PIAS1: variants seen among roughly 807,000 people sequenced by gnomAD.
PIAS1 encodes the protein protein inhibitor of activated STAT 1.
Under a neutral mutation model 71.3 loss-of-function variants are expected in PIAS1, and 6 were observed. The observed-to-expected ratio is 0.08, with a 90% CI of 0.05 to 0.17. The LOEUF (loss-of-function observed/expected upper bound fraction) is 0.17, where lower values mean the gene tolerates loss of function less well. Among genes scored for constraint, PIAS1 ranks in the 10% least tolerant of loss-of-function variants. PIAS1 has a pLI of 1.00. For missense variants in PIAS1, 555 were observed against 793.6 expected (o/e 0.70, Z 3.61); for synonymous variants, 303 against 292.9 (o/e 1.03, Z -0.35).
In PIAS1 at chr15:68,192,914, T is replaced by C. The variant is rs1381678833; in HGVS notation, c.*5079T>C. The C allele has an allele frequency of 6.6e-6, 1 of 152,218 alleles. No individual in the cohort carries two copies. Among genetic ancestry groups the C allele is most frequent in the Admixed American group, 6.5e-5 (1 of 15,280 alleles). The allele number at this position is 152,218 out of a possible 1,614,324, so 9.4% of individuals were successfully genotyped here. ...TTTAGGACTGTGCTGGCACTACGAATGATCCAGATTTGACAAGTGTATGGC... is the reference window on the plus strand; with the variant it reads ...TTTAGGACTGTGCTGGCACTACGAACGATCCAGATTTGACAAGTGTATGGC... On this transcript the variant is annotated 3_prime_UTR_variant, in exon 14 of 14. Coordinates refer to ENST00000249636, the MANE Select transcript of PIAS1 (RefSeq NM_016166.3).
intron 2 of PIAS1, among the ~76,000 whole-genome samples, chr15:68,093,202 C>T (rs148680078): frequency 4.8e-4 from 73 of 152,296 alleles, no homozygotes; most frequent in Middle Eastern, 6.8e-3. Context: ...AGGTCTTTCC[C>T]AGAGCATTTA....
chr15:68,119,895 C>T (rs1477580514), intron 2 of PIAS1, among the ~76,000 whole-genome samples: 1 of 152,242 alleles, frequency 6.6e-6, no homozygotes, highest in Non-Finnish European at 1.5e-5. Context: ...TATACAGTGA[C>T]TCTCTCTATC....
chr15:68,085,134 C>T (rs1175551587), intron 1 of PIAS1, among the ~76,000 whole-genome samples: 1 of 152,114 alleles, frequency 6.6e-6, no homozygotes. Flanking sequence ...GGGAAGGCAG[C>T]ATAAGCATAG....
intron 2 of PIAS1, among the ~76,000 whole-genome samples, chr15:68,109,406 G>C (rs936798265): frequency 2.6e-5 from 4 of 152,072 alleles, no homozygotes; most frequent in Non-Finnish European, 5.9e-5. Flanking sequence ...GCAGTGGTTT[G>C]GGTCTCTTGT....
intron 2 of PIAS1, among the ~76,000 whole-genome samples, chr15:68,108,956 A>G (rs1459326994): frequency 6.6e-6 from 1 of 152,128 alleles, no homozygotes; most frequent in African/African-American, 2.4e-5. Flanking sequence ...TAATATTCTG[A>G]ATTTAGTAGC....
chr15:68,164,353 C>G (rs2092943266), intron 7 of PIAS1, among the ~76,000 whole-genome samples: 1 of 151,770 alleles, frequency 6.6e-6, no homozygotes, highest in Admixed American at 6.6e-5. Flanking sequence ...TAGAAGAGCC[C>G]AAGTAATATT....
chr15:68,157,077 T>C (rs2092895474), intron 7 of PIAS1, among the ~76,000 whole-genome samples: 1 of 152,194 alleles, frequency 6.6e-6, no homozygotes, highest in South Asian at 2.1e-4. Context: ...GGAGGAGTGC[T>C]AAGCTTCTTA....
chr15:68,156,009 C>T (rs570761855), intron 7 of PIAS1, among the ~76,000 whole-genome samples: 2 of 152,316 alleles, frequency 1.3e-5, no homozygotes, highest in Admixed American at 1.3e-4. Flanking sequence ...CATTTGTGCC[C>T]AGTCCTCGCT....
chr15:68,080,086 C>T (rs2092213898), intron 1 of PIAS1, among the ~76,000 whole-genome samples: 1 of 152,150 alleles, frequency 6.6e-6, no homozygotes, highest in South Asian at 2.1e-4. Context: ...CCTGTCTCAG[C>T]CTCCTAAAGT....
rs2093107630 is a variant in PIAS1, at chr15:68,189,316, A to G, written c.*1481A>G. 6.6e-6 allele frequency: 1 copy of G among 152,224 alleles called. No individual in the cohort carries two copies. Among genetic ancestry groups the G allele is most frequent in the South Asian group, 2.1e-4 (1 of 4,834 alleles). 9.4% of individuals were successfully genotyped at this position (152,224 alleles called of 1,614,324 possible). A position where few individuals can be genotyped will look rare whatever the true frequency, so the allele number is the denominator to read the frequency against. ...GAAAATATTTTTTAGTTGATTGAGA[A>G]TGCAGGTTTAACAGAAGAGATAAGG... On this transcript the variant is annotated 3_prime_UTR_variant, in exon 14 of 14. Coordinates refer to ENST00000249636, the MANE Select transcript of PIAS1 (RefSeq NM_016166.3).
chr15:68,157,163 G>C (rs534373192), intron 7 of PIAS1, among the ~76,000 whole-genome samples: 54 of 152,262 alleles, frequency 3.5e-4, no homozygotes, highest in African/African-American at 1.3e-3. Context: ...TTGCAGGGGG[G>C]AGATCAGAGT....
At chr15:68,134,622 A>AC (rs59318437) in intron 2 of PIAS1, among the ~76,000 whole-genome samples, 12,663 of 21,156 alleles carry the variant, frequency 0.6, 5,548 homozygotes, top group African/African-American at 0.77. Flanking sequence ...CGGGGGGCTA[A>AC]CCCCCCCCAC....
intron 2 of PIAS1, among the ~76,000 whole-genome samples, chr15:68,117,326 TC>T (rs2092573590): frequency 6.6e-6 from 1 of 152,226 alleles, no homozygotes; most frequent in Non-Finnish European, 1.5e-5. Flanking sequence ...CCTCAGGTGA[TC>T]CACCTGCCTT....
At chr15:68,095,176 A>G (rs913350278) in intron 2 of PIAS1, among the ~76,000 whole-genome samples, 6 of 152,224 alleles carry the variant, frequency 3.9e-5, no homozygotes, top group Non-Finnish European at 8.8e-5. Flanking sequence ...AAGTAAGTAC[A>G]GTTTATCAAA....
At chr15:68,151,875 A>G (rs1442316342) in intron 6 of PIAS1, among the ~76,000 whole-genome samples, 1 of 151,230 alleles carries the variant, frequency 6.6e-6, no homozygotes, top group Admixed American at 6.6e-5. Flanking sequence ...AAATAAATAA[A>G]TAAACAAATA....
intron 2 of PIAS1, among the ~76,000 whole-genome samples, chr15:68,130,853 G>A (rs1293014448): frequency 1.3e-5 from 2 of 152,074 alleles, no homozygotes; most frequent in African/African-American, 2.4e-5. Context: ...AAATAGTTCA[G>A]TATTAAGAAA....
In PIAS1 at chr15:68,187,969, A is replaced by G; in HGVS notation, c.*134A>G. 1.4e-6 allele frequency: 1 copy of G among 740,044 alleles called. No individual in the cohort carries two copies. The highest frequency in any genetic ancestry group is 2.7e-5 in the East Asian group (1 of 36,832). 45.8% of individuals were successfully genotyped at this position (740,044 alleles called of 1,614,324 possible). ...CGTGTTTTTTTTCCTTTTTTTAGGG[A>G]AAAAATTAAAAGAAATGTACAGAGA... On this transcript the variant is annotated 3_prime_UTR_variant, in exon 14 of 14. Transcript: ENST00000249636. This position sits in a 1 kb window ranked among gnomAD's most constrained non-coding sequence, Gnocchi z 5.3.
intron 2 of PIAS1, among the ~76,000 whole-genome samples, chr15:68,101,004 T>TCC (rs1341780101): frequency 6.6e-6 from 1 of 151,664 alleles, no homozygotes; most frequent in Non-Finnish European, 1.5e-5. Context: ...CAGGTGATCC[T>TCC]CCCGCCTCTC....
At chr15:68,175,193 ATGTC>A (rs1208744933) in intron 9 of PIAS1, among the ~76,000 whole-genome samples, 2 of 152,286 alleles carry the variant, frequency 1.3e-5, no homozygotes, top group East Asian at 3.9e-4. Flanking sequence ...ATGTTTTTAA[ATGTC>A]TGTCACGGTA....
Sources: gnomAD v4.1 joint callset for allele counts (sites outside exome capture counted in the v4.1 genomes callset) on GRCh38, gnomAD v4.1.1 for gene constraint, Gnocchi (gnomAD v3.1) non-coding constraint, MANE v1.5 for transcripts, NCBI Gene and HGNC (gene_info 2026-07-23, HGNC 2026-07-21) for gene names.